Variants in OBI1 observed in about 807,000 individuals in gnomAD.
OBI1 encodes ring finger protein 219.
Under a neutral mutation model 62.4 loss-of-function variants are expected in OBI1, and 59 were observed. That is an observed-to-expected ratio of 0.95 (90% CI 0.77 to 1.17). The LOEUF is 1.17. OBI1 is among the 50% of genes most tolerant of loss of function. OBI1 has a pLI of 0.00. For synonymous variants in OBI1, 302 were observed against 292.8 expected, an observed-to-expected ratio of 1.03 and a Z score of -0.32; for missense variants, 875 against 830.9, an observed-to-expected ratio of 1.05 and a Z score of -0.65.
At chr13:78,653,746 T>C (rs1876614209) in intron 1 of OBI1, among the ~76,000 whole-genome samples, 1 of 152,170 alleles carries the variant, frequency 6.6e-6, no homozygotes, top group African/African-American at 2.4e-5. Context: ...ACTCCCCTGC[T>C]CTTCTGGCAT....
chr13:78,654,147 C>T (rs1876628185), intron 1 of OBI1, among the ~76,000 whole-genome samples: 1 of 151,998 alleles, frequency 6.6e-6, no homozygotes, highest in Non-Finnish European at 1.5e-5. Flanking sequence ...ACCTTCATCC[C>T]TACCAGAAAT....
At chr13:78,621,804 A>C (rs1875520482) in intron 5 of OBI1, among the ~76,000 whole-genome samples, 1 of 152,232 alleles carries the variant, frequency 6.6e-6, no homozygotes, top group Admixed American at 6.5e-5. Context: ...GCACTAAAGC[A>C]ATGTGGAGCT....
rs563264303 is a variant in OBI1, at chr13:78,643,308, C to A, written c.209-1095G>T. Among the ~76,000 whole-genome samples, 6 of 152,144 alleles carry A rather than the reference C, an allele frequency of 3.9e-5. No individual in the cohort carries two copies. In the South Asian group the frequency reaches 1.2e-3, roughly 32 times the overall value. On this transcript the variant is annotated intron_variant, in intron 2 of 5. Transcript: ENST00000282003. ...AAAGACTTGACTCCTTGGTGAAATT[C>A]AGCAGGTAAAAAAAAACAGATAGAG...
intron 1 of OBI1, among the ~76,000 whole-genome samples, chr13:78,653,793 T>C (rs893667928): frequency 6.6e-6 from 1 of 152,196 alleles, no homozygotes; most frequent in Non-Finnish European, 1.5e-5. Flanking sequence ...ACTGTGCTTC[T>C]AGAAAGAATA....
intron 2 of OBI1, among the ~76,000 whole-genome samples, chr13:78,643,677 A>G (rs1401990520): frequency 1.3e-5 from 2 of 152,084 alleles, no homozygotes; most frequent in Admixed American, 1.3e-4. Context: ...AATCCCAGCT[A>G]CTTAGGAGGC....
intron 5 of OBI1, among the ~76,000 whole-genome samples, chr13:78,619,333 T>A (rs531314188): frequency 1.7e-3 from 262 of 151,314 alleles, no homozygotes; most frequent in African/African-American, 5.8e-3. Flanking sequence ...CTATATATTT[T>A]TTTTTTTTAG....
intron 5 of OBI1, among the ~76,000 whole-genome samples, chr13:78,618,870 G>A (rs919167537): frequency 1.8e-4 from 27 of 152,254 alleles, no homozygotes; most frequent in African/African-American, 6.3e-4. Context: ...TCACAGAGTT[G>A]TAGTTCTGCA....
chr13:78,646,130 CTGTT>C (rs1453664377), intron 1 of OBI1, among the ~76,000 whole-genome samples: 12 of 152,272 alleles, frequency 7.9e-5, no homozygotes, highest in Non-Finnish European at 1.2e-4. Context: ...GGTGTGTTGA[CTGTT>C]TGTAGTTGTT....
At position 78,635,149 on chromosome 13, in the gene OBI1, A is replaced by C; in HGVS notation, c.599T>G (p.Leu200Ter). ...LENGGLVRENLRLKAEVDNRS... is the reference protein window; with the variant it reads ...LENGGLVREN ...GTTATCAACTTCAGCCTTCAGTCGT[A>C]AATTCTCCCTCACCAGACCACCATT... The change falls in exon 5 of 6, where the codon TTA becomes TGA. Residue 200 changes from leucine (L) to a stop codon, truncating the protein, a stop_gained. Coordinates refer to ENST00000282003, the MANE Select transcript of OBI1 (RefSeq NM_024546.4). LOFTEE classifies it high-confidence loss of function. 6.2e-7 allele frequency: 1 copy of C among 1,611,618 alleles called. No individual in the cohort carries two copies. Among genetic ancestry groups the C allele is most frequent in the Non-Finnish European group, 8.5e-7 (1 of 1,178,512 alleles).
chr13:78,616,922 T>C lies in OBI1; in HGVS notation c.839A>G (p.Lys280Arg), dbSNP rs779370524. Residue 280 changes from lysine (K) to arginine (R), a missense_variant, in exon 6 of 6, where the codon AAA (lysine) becomes AGA (arginine). Lys to Arg is a conservative substitution (Grantham distance 26, BLOSUM62 2). Coordinates refer to ENST00000282003, the MANE Select transcript of OBI1 (RefSeq NM_024546.4). ...ATCCTCCTCACTGCCTTTGCTCCCT[T>C]TGCCATCTGCAGAAAGTGCTGTCTG... ...ICQTALSADG[K>R]GSKGSEEDVV... is the part of the protein sequence containing the mutation. 6 of 1,614,040 alleles carry C rather than the reference T, an allele frequency of 3.7e-6. No homozygotes were observed. Among genetic ancestry groups the C allele is most frequent in the East Asian group, 2.2e-5 (1 of 44,890 alleles).
rs1270209541 is a variant in OBI1, at chr13:78,642,197, A to G, written c.225T>C (p.Ser75=). The part of the protein sequence containing the change: ...CKEIIGGTSE[S]EPMLSHTVRK... ...TGACCGTATGGCTTAGCATAGGTTC[A>G]CTTTCACTTGTTCCTCCTGTAGGGA... Residue 75 remains serine, a synonymous_variant, in exon 3 of 6, where the codon AGT becomes AGC. Transcript: ENST00000282003. The G allele has an allele frequency of 5.6e-6, 9 of 1,605,448 alleles. No homozygotes were observed. Among genetic ancestry groups the G allele is most frequent in the Non-Finnish European group, 6.8e-6 (8 of 1,173,760 alleles).
At chr13:78,653,185 T>C (rs904429550) in intron 1 of OBI1, among the ~76,000 whole-genome samples, 3 of 152,188 alleles carry the variant, frequency 2.0e-5, no homozygotes, top group African/African-American at 7.2e-5. Flanking sequence ...TTCTCAACTT[T>C]GACATTACTA....
At chr13:78,617,365 T>C (rs1021124463) in intron 5 of OBI1, 2 of 370,200 alleles carry the variant, frequency 5.4e-6, no homozygotes, top group Non-Finnish European at 9.7e-6. Flanking sequence ...ATCAGATCTA[T>C]GGTAGCAGAG....
chr13:78,650,190 C>T (rs532068046), intron 1 of OBI1, among the ~76,000 whole-genome samples: 1 of 152,094 alleles, frequency 6.6e-6, no homozygotes, highest in African/African-American at 2.4e-5. Context: ...TGGGGTTTTG[C>T]CAAGGAGGAA....
chr13:78,634,165 A>C (rs1875950487), intron 5 of OBI1, among the ~76,000 whole-genome samples: 1 of 152,076 alleles, frequency 6.6e-6, no homozygotes, highest in African/African-American at 2.4e-5. Flanking sequence ...AAGTTTACTT[A>C]ATTGTATAGT....
chr13:78,619,107 T>TA (rs1399797174), intron 5 of OBI1, among the ~76,000 whole-genome samples: 4 of 152,024 alleles, frequency 2.6e-5, no homozygotes, highest in African/African-American at 2.4e-5. Context: ...TCTCCTCAGA[T>TA]AAAAAAATCA....
Position 78,615,689 on chromosome 13 carries a change from G to C in OBI1, c.2072C>G (p.Ser691Cys). 1 of 1,613,988 alleles carries C rather than the reference G, an allele frequency of 6.2e-7. No homozygotes were observed. The change falls in exon 6 of 6, where the codon TCT (serine) becomes TGT (cysteine). Residue 691 changes from serine to cysteine, a missense_variant. Physicochemically the swap from Ser to Cys is moderately radical, Grantham distance 112 (BLOSUM62 -1). Transcript: ENST00000282003. ...SLHNHLQSPW[S>C]TSFVPEKRNK... ...CCTCTTTTCAGGCACAAAGGAAGTA[G>C]ACCAAGGAGACTGAAGGTGGTTATG...
At chr13:78,640,863 A>G (rs1400566786) in intron 3 of OBI1, among the ~76,000 whole-genome samples, 1 of 152,234 alleles carries the variant, frequency 6.6e-6, no homozygotes, top group Non-Finnish European at 1.5e-5. Flanking sequence ...TATTTGAAGT[A>G]TGAGTGAAAC....
intron 1 of OBI1, among the ~76,000 whole-genome samples, chr13:78,649,631 C>T (rs1876490278): frequency 6.6e-6 from 1 of 152,002 alleles, no homozygotes; most frequent in South Asian, 2.1e-4. Flanking sequence ...GTTAGGAATA[C>T]CAATGGGAAT....
Sources: gnomAD v4.1 joint callset for allele counts (sites outside exome capture counted in the v4.1 genomes callset) on GRCh38, gnomAD v4.1.1 for gene constraint, MANE v1.5 for transcripts, NCBI Gene and HGNC (gene_info 2026-07-23, HGNC 2026-07-21) for gene names.